Variants in RBM39 observed in about 807,000 individuals in gnomAD.
The protein encoded by RBM39 is RNA-binding protein 39.
Under a neutral mutation model 79.6 loss-of-function variants are expected in RBM39, and 12 were observed. That is an observed-to-expected ratio of 0.15 (90% CI 0.10 to 0.24). RBM39 has a LOEUF of 0.24. Ranked by LOEUF, RBM39 falls within the 10% of genes least tolerant of loss-of-function variation. The probability of loss-of-function intolerance (pLI) is 1.00; values close to 1 mark genes in which losing one functional copy is unlikely to be tolerated. For synonymous variants in RBM39, 185 were observed against 208.4 expected (o/e 0.89, Z 0.97); for missense variants, 243 against 653.4 (o/e 0.37, Z 6.85).
chr20:35,722,227 G>GGCT (rs2038035208), intron 8 of RBM39, among the ~76,000 whole-genome samples: 4 of 151,886 alleles, frequency 2.6e-5, no homozygotes, highest in African/African-American at 9.7e-5. Flanking sequence ...CTAACACAGT[G>GGCT]AAACACCATC....
chr20:35,726,749 C>G (rs191615047), intron 6 of RBM39, among the ~76,000 whole-genome samples: 1 of 152,116 alleles, frequency 6.6e-6, no homozygotes, highest in South Asian at 2.1e-4. Context: ...AGCCTAAACA[C>G]GATCTTTTCC....
chr20:35,707,085 G>T, intron 14 of RBM39, 35 bp downstream of exon 14: 25 of 846,794 alleles, frequency 3.0e-5, no homozygotes, highest in Non-Finnish European at 3.8e-5. Context: ...TTGACGCCTT[G>T]ATAGGAAATA....
intron 7 of RBM39, 55 bp downstream of exon 7, chr20:35,724,983 A>G (rs1321074606): frequency 8.0e-6 from 10 of 1,243,654 alleles, no homozygotes; most frequent in East Asian, 2.3e-5. Context: ...TGATGTTTAC[A>G]TGTTTTCTCT....
chr20:35,738,975 T>C lies in RBM39; in HGVS notation c.94A>G (p.Ser32Gly). 2 of 1,613,336 alleles carry C rather than the reference T, an allele frequency of 1.2e-6. No homozygotes were observed. Among genetic ancestry groups the C allele is most frequent in the Non-Finnish European group, 1.7e-6 (2 of 1,179,268 alleles). The change falls in exon 3 of 17, where the codon AGC becomes GGC. Residue 32 changes from serine (S) to glycine (G), a missense_variant. This residue lies in a region of RBM39 where 115 missense variants were observed against 184.1 expected (regional missense o/e 0.62). Coordinates refer to ENST00000253363, the MANE Select transcript of RBM39 (RefSeq NM_184234.3). ...LSSANGHEER[S>G]KKRKKSKSRS... The stretch of plus-strand genomic sequence containing the variant: ...CCCCTTCTTAAAACTCACTTTTTGC[T>C]ACGTTCTTCATGGCCGTTGGCACTG...
At chr20:35,705,398 CA>C (rs2035593995) in intron 14 of RBM39, 68 bp from the exon 15 acceptor site, 2 of 880,408 alleles carry the variant, frequency 2.3e-6, no homozygotes, top group East Asian at 6.0e-5. Flanking sequence ...ACAAATGTAT[CA>C]AAAAATTTAA....
intron 9 of RBM39, among the ~76,000 whole-genome samples, chr20:35,721,264 TTCTTTTAAAAACAA>T (rs1264922949): frequency 6.6e-6 from 1 of 152,176 alleles, no homozygotes; most frequent in East Asian, 1.9e-4. Context: ...ATATTCAACT[TTCTTTTAAAAACAA>T]TCTTTTAAAA....
chr20:35,740,056 T>C (rs1215590719), intron 2 of RBM39: 1 of 156,802 alleles, frequency 6.4e-6, no homozygotes, highest in Admixed American at 6.3e-5. Context: ...ATAATTCCTT[T>C]GTTTTTAGTG....
At chr20:35,718,869 G>C in intron 9 of RBM39, among the ~76,000 whole-genome samples, 1 of 144,892 alleles carries the variant, frequency 6.9e-6, no homozygotes, top group African/African-American at 2.6e-5. Flanking sequence ...TATAATCCCA[G>C]CTGCTAGGGA....
At chr20:35,710,781 C>T (rs2146510611) in intron 12 of RBM39, among the ~76,000 whole-genome samples, 2 of 152,234 alleles carry the variant, frequency 1.3e-5, no homozygotes, top group Middle Eastern at 3.4e-3. Flanking sequence ...TCACCTAAAA[C>T]ATGAGTGTTA....
Position 35,702,307 on chromosome 20 carries a change from A to C in RBM39, c.*2174T>G, listed in dbSNP as rs2035320317. 6.6e-6 allele frequency: 1 copy of C among 152,250 alleles called. No homozygotes were observed. The highest frequency in any genetic ancestry group is 1.5e-5 in the Non-Finnish European group (1 of 68,054). The allele number at this position is 152,250 out of a possible 1,614,324, so 9.4% of individuals were successfully genotyped here. A position where few individuals can be genotyped will look rare whatever the true frequency, so the allele number is the denominator to read the frequency against. ...AGATTTTCGAACCAGTGGGATGCTG[A>C]CTCAGGAACTGATTGGACATAAACA... is the stretch of plus-strand genomic sequence containing the variant. On this transcript the variant is annotated 3_prime_UTR_variant, in exon 17 of 17. Transcript: ENST00000253363.
At chr20:35,706,378 C>A (rs2035728731) in intron 14 of RBM39, among the ~76,000 whole-genome samples, 1 of 152,128 alleles carries the variant, frequency 6.6e-6, no homozygotes, top group African/African-American at 2.4e-5. Flanking sequence ...ATGATACTTA[C>A]AACGAAAGTT....
chr20:35,713,325 T>A, intron 11 of RBM39: 1 of 394,904 alleles, frequency 2.5e-6, no homozygotes, highest in South Asian at 3.3e-5. Flanking sequence ...CTCTTTTTTT[T>A]TTGAGATGGA....
chr20:35,715,855 T>C, intron 10 of RBM39, among the ~76,000 whole-genome samples: 1 of 152,052 alleles, frequency 6.6e-6, no homozygotes, highest in East Asian at 1.9e-4. Context: ...CTTGCTCTGT[T>C]ACTTCACAGG....
At chr20:35,732,425 G>A (rs572456720) in intron 3 of RBM39, 40 of 336,334 alleles carry the variant, frequency 1.2e-4, no homozygotes, top group Non-Finnish European at 6.7e-5. Flanking sequence ...GCATAGTACC[G>A]TGCGCCTGTA....
chr20:35,729,592 C>T (rs896011071), intron 4 of RBM39, 65 bp from the exon 5 acceptor site: 8 of 1,401,336 alleles, frequency 5.7e-6, no homozygotes, highest in Admixed American at 3.7e-5. Flanking sequence ...CGCATTCATG[C>T]GCTCTCCAGC....
chr20:35,740,654 A>G, intron 2 of RBM39, 170 bp downstream of exon 2: 1 of 1,331,272 alleles, frequency 7.5e-7, no homozygotes, highest in Non-Finnish European at 1.1e-6. Context: ...ACTACTGCAC[A>G]ATATTATTAC....
intron 3 of RBM39, among the ~76,000 whole-genome samples, chr20:35,735,971 T>C (rs2039862310): frequency 1.3e-5 from 2 of 152,112 alleles, no homozygotes; most frequent in Admixed American, 6.6e-5. Flanking sequence ...ATACACAGGA[T>C]AAAAACAAGT....
chr20:35,719,389 A>G (rs1190760362), intron 9 of RBM39, among the ~76,000 whole-genome samples: 1 of 152,172 alleles, frequency 6.6e-6, no homozygotes, highest in African/African-American at 2.4e-5. Flanking sequence ...TACTTGCAAC[A>G]AGACCATATG....
At chr20:35,715,348 A>G (rs6060575) in intron 10 of RBM39, among the ~76,000 whole-genome samples, 8 of 152,126 alleles carry the variant, frequency 5.3e-5, no homozygotes, top group South Asian at 2.1e-4. Flanking sequence ...TTAATTTTTT[A>G]TATTTTTAGT....
Sources: allele counts gnomAD v4.1 joint callset (sites outside exome capture counted in the v4.1 genomes callset), GRCh38; gene constraint gnomAD v4.1.1; regional missense constraint gnomAD v4.1.1; transcripts MANE v1.5; gene names NCBI Gene and HGNC (gene_info 2026-07-23, HGNC 2026-07-21).